RBMS1: variants seen among roughly 807,000 people sequenced by gnomAD.
The protein encoded by RBMS1 is RNA-binding motif, single-stranded-interacting protein 1.
Under a neutral mutation model 62.3 loss-of-function variants are expected in RBMS1, and 17 were observed. That is an observed-to-expected ratio of 0.27 (90% CI 0.19 to 0.41). The LOEUF (loss-of-function observed/expected upper bound fraction) is 0.41, where lower values mean the gene tolerates loss of function less well. Ranked by LOEUF, RBMS1 falls within the 10% of genes least tolerant of loss-of-function variation. RBMS1 has a pLI of 1.00. For missense variants in RBMS1, 334 were observed against 504.5 expected, an observed-to-expected ratio of 0.66 and a Z score of 3.24; for synonymous variants, 172 against 170.0, an observed-to-expected ratio of 1.01 and a Z score of -0.09.
intron 4 of RBMS1, among the ~76,000 whole-genome samples, chr2:160,311,224 C>CCATATATATATGTATA (rs71297446): frequency 1.8e-5 from 1 of 56,634 alleles, no homozygotes; most frequent in Non-Finnish European, 3.6e-5. Context: ...ATCTATCTAT[C>CCATATATATATGTATA]TATCTATCTA....
chr2:160,334,214 G>C (rs1206209552), intron 2 of RBMS1, among the ~76,000 whole-genome samples: 1 of 152,148 alleles, frequency 6.6e-6, no homozygotes, highest in Non-Finnish European at 1.5e-5. Context: ...ATGTAGTAAT[G>C]CATTTTAGGT....
chr2:160,484,470 G>C lies in RBMS1; in HGVS notation c.75+8819C>G, dbSNP rs867440716. On this transcript the variant is annotated intron_variant, in intron 1 of 13. Coordinates refer to ENST00000348849, the MANE Select transcript of RBMS1 (RefSeq NM_016836.4). The stretch of plus-strand genomic sequence containing the variant: ...AGATCGCGCCACTGCACTCCAGCCT[G>C]GGCGACAGAGCGAGCGAGACTCCGT... Among the ~76,000 whole-genome samples, 238 of 151,554 alleles carry C rather than the reference G, an allele frequency of 1.6e-3. 5 individuals carry two copies. The highest frequency in any genetic ancestry group is 0.01 in the Middle Eastern group (3 of 290).
chr2:160,425,447 T>A (rs1438943811), intron 1 of RBMS1, among the ~76,000 whole-genome samples: 1 of 152,166 alleles, frequency 6.6e-6, no homozygotes, highest in African/African-American at 2.4e-5. Flanking sequence ...ATTCAGTCAG[T>A]GTTTACAGGG....
intron 11 of RBMS1, chr2:160,277,663 T>G: frequency 3.2e-6 from 1 of 317,408 alleles, no homozygotes; most frequent in Non-Finnish European, 6.0e-6. Context: ...TAAAAAAGTT[T>G]GTCACTCTCA....
chr2:160,318,362 T>G (rs1290723505), intron 2 of RBMS1, 135 bp from the exon 3 acceptor site: 4 of 1,302,460 alleles, frequency 3.1e-6, no homozygotes, highest in Non-Finnish European at 4.0e-6. Context: ...GTACAAAATT[T>G]TCTTTACTAA....
At chr2:160,463,876 A>G (rs912087311) in intron 1 of RBMS1, among the ~76,000 whole-genome samples, 12 of 152,236 alleles carry the variant, frequency 7.9e-5, no homozygotes, top group Admixed American at 7.2e-4. Context: ...CTCTTTTTTC[A>G]TTCACAAGTG....
chr2:160,391,996 C>T (rs1396472026), intron 1 of RBMS1, among the ~76,000 whole-genome samples: 2 of 151,948 alleles, frequency 1.3e-5, no homozygotes, highest in African/African-American at 4.8e-5. Context: ...TAAATAATAA[C>T]CAATGTAGTA....
rs999715593 is a variant in RBMS1 at position 160,447,218 on chromosome 2, A to G, written c.75+46071T>C. Among the ~76,000 whole-genome samples the G allele has an allele frequency of 9.9e-5, 15 of 152,212 alleles. No homozygotes were observed. In the East Asian group the frequency reaches 2.1e-3, roughly 22 times the overall value. On this transcript the variant is annotated intron_variant, in intron 1 of 13. Coordinates refer to ENST00000348849, the MANE Select transcript of RBMS1 (RefSeq NM_016836.4). ...GTCCGAGAATGTGGCCACCTTCTAC[A>G]CCTGACCTCCAAGGTCATCTCAGAA...
intron 1 of RBMS1, among the ~76,000 whole-genome samples, chr2:160,395,906 C>T (rs890223989): frequency 2.7e-4 from 41 of 152,120 alleles, no homozygotes; most frequent in African/African-American, 9.2e-4. Flanking sequence ...GACCCTTCCT[C>T]CAAAATCCTC....
chr2:160,385,556 T>A (rs1276335201), intron 1 of RBMS1, among the ~76,000 whole-genome samples: 1 of 152,112 alleles, frequency 6.6e-6, no homozygotes, highest in Non-Finnish European at 1.5e-5. Flanking sequence ...GATTGTTTTA[T>A]CATCTGAAAC....
intron 1 of RBMS1, chr2:160,407,973 CCT>C: frequency 2.1e-6 from 2 of 952,130 alleles, no homozygotes; most frequent in Non-Finnish European, 2.5e-6. Flanking sequence ...CCCACCCGCG[CCT>C]CCCCGCCCGC....
chr2:160,438,878 C>T (rs1389361606), intron 1 of RBMS1, among the ~76,000 whole-genome samples: 4 of 151,002 alleles, frequency 2.6e-5, no homozygotes, highest in Non-Finnish European at 5.9e-5. Flanking sequence ...GGCGGCTGGC[C>T]GGACGGGGGG....
chr2:160,414,891 T>C (rs1379509783), intron 1 of RBMS1, among the ~76,000 whole-genome samples: 1 of 151,816 alleles, frequency 6.6e-6, no homozygotes, highest in Admixed American at 6.6e-5. Context: ...TGGAGTCATA[T>C]CCTTTTCAAA....
intron 1 of RBMS1, among the ~76,000 whole-genome samples, chr2:160,418,918 A>G (rs1011526426): frequency 6.6e-6 from 1 of 152,236 alleles, no homozygotes; most frequent in African/African-American, 2.4e-5. Flanking sequence ...ATATTGGTTC[A>G]TGAATGTTGG....
chr2:160,468,711 A>T (rs569829368), intron 1 of RBMS1, among the ~76,000 whole-genome samples: 11 of 152,324 alleles, frequency 7.2e-5, no homozygotes, highest in African/African-American at 2.6e-4. Context: ...CTTCATCTTG[A>T]AGGCTTTTAA....
chr2:160,487,436 GAGAGCAGGTACC>G (rs1309082131), intron 1 of RBMS1, among the ~76,000 whole-genome samples: 1 of 152,166 alleles, frequency 6.6e-6, no homozygotes, highest in Non-Finnish European at 1.5e-5. Context: ...TGAGGTGCTG[GAGAGCAGGTACC>G]AGATATTCAA....
intron 1 of RBMS1, among the ~76,000 whole-genome samples, chr2:160,454,318 G>A (rs1376372523): frequency 2.0e-5 from 3 of 152,216 alleles, no homozygotes; most frequent in Admixed American, 6.5e-5. Flanking sequence ...CACAGTTACT[G>A]ACTGCTTACT....
chr2:160,313,405 G>A (rs994568112), intron 3 of RBMS1, among the ~76,000 whole-genome samples, 158 bp from the exon 4 acceptor site: 4 of 152,164 alleles, frequency 2.6e-5, no homozygotes, highest in African/African-American at 9.7e-5. Context: ...GGCCTCCTGG[G>A]CCCTTCTTCC....
rs141622346 is a variant in RBMS1, at chr2:160,447,164, G to A, written c.75+46125C>T. Among the ~76,000 whole-genome samples the A allele has an allele frequency of 3.9e-5, 6 of 152,268 alleles. No individual in the cohort carries two copies. In the South Asian group the frequency reaches 1.2e-3, roughly 32 times the overall value. ...GCAGGGATAGTATTTCTAGGTGGGC[G>A]AGTGAGCTACACATGGCCATCCTTC... is the stretch of plus-strand genomic sequence containing the variant. On this transcript the variant is annotated intron_variant, in intron 1 of 13. Transcript: ENST00000348849.
Sources: gnomAD v4.1 joint callset for allele counts (sites outside exome capture counted in the v4.1 genomes callset) on GRCh38, gnomAD v4.1.1 for gene constraint, MANE v1.5 for transcripts, NCBI Gene and HGNC (gene_info 2026-07-23, HGNC 2026-07-21) for gene names.